The following FLNB variants were observed in gnomAD, a reference collection of about 807,000 sequenced individuals.
FLNB encodes the protein filamin-B.
FLNB carries 111 observed loss-of-function variants against 250.6 expected under a neutral mutation model. That is an observed-to-expected ratio of 0.44 (90% CI 0.38 to 0.52). The LOEUF (loss-of-function observed/expected upper bound fraction) is 0.52. Among genes scored for constraint, FLNB ranks in the 20% least tolerant of loss-of-function variants. The probability of loss-of-function intolerance (pLI) is 0.00; values close to 1 mark genes in which losing one functional copy is unlikely to be tolerated. For missense variants in FLNB, 2,869 were observed against 3,447.8 expected, an observed-to-expected ratio of 0.83 and a Z score of 4.20; for synonymous variants, 1,302 against 1,372.1, an observed-to-expected ratio of 0.95 and a Z score of 1.13.
chr3:58,017,936 C>T (rs2097108087), intron 1 of FLNB, among the ~76,000 whole-genome samples: 1 of 152,144 alleles, frequency 6.6e-6, no homozygotes, highest in South Asian at 2.1e-4. Context: ...TTATCAAAAT[C>T]TGGCTTTTCT....
In FLNB at chr3:58,088,015, A is replaced by T. The variant is rs115094540; in HGVS notation, c.787+6239A>T. Among the ~76,000 whole-genome samples, 806 of 146,084 alleles carry T rather than the reference A, an allele frequency of 5.5e-3. 10 individuals are homozygous for T. Among genetic ancestry groups the T allele is most frequent in the African/African-American group, 0.019 (757 of 39,546 alleles). ...TTGGCCTCGAAAGTGCTGAGATTAC[A>T]GGTGTGAACCACGGCGCCCAGCCTT... On this transcript the variant is annotated intron_variant, in intron 4 of 45. Transcript: ENST00000295956.
intron 12 of FLNB, among the ~76,000 whole-genome samples, chr3:58,108,010 G>C (rs555180808): frequency 6.6e-6 from 1 of 152,314 alleles, no homozygotes; most frequent in Admixed American, 6.5e-5. Flanking sequence ...GTTTGGGCAT[G>C]GTTTTAGAAC....
At chr3:58,168,715 G>C (rs2097375312) in intron 44 of FLNB, 57 bp downstream of exon 44, 1 of 1,273,538 alleles carries the variant, frequency 7.9e-7, no homozygotes, top group Non-Finnish European at 1.1e-6. Flanking sequence ...GGTTGTGTCA[G>C]ATCAATCATA....
At position 58,008,557 on chromosome 3, in the gene FLNB, C is replaced by T; in HGVS notation, c.-8C>T. ...CTCGTTGCGCATTGCGCTCTCCCCG[C>T]CACCAGGATGCCGGTAACCGAGAAG... On this transcript the variant is annotated 5_prime_UTR_variant, in exon 1 of 46. Coordinates refer to ENST00000295956, the MANE Select transcript of FLNB (RefSeq NM_001457.4). 1 of 1,581,716 alleles carries T rather than the reference C, an allele frequency of 6.3e-7. No homozygotes were observed. The highest frequency in any genetic ancestry group is 8.6e-7 in the Non-Finnish European group (1 of 1,164,906).
chr3:58,040,695 A>T (rs910927704), intron 1 of FLNB, among the ~76,000 whole-genome samples: 10 of 152,106 alleles, frequency 6.6e-5, no homozygotes, highest in Non-Finnish European at 1.5e-4. Context: ...GGGTTTCACC[A>T]CGTTGGCCAG....
Position 58,128,207 on chromosome 3 carries a change from T to C in FLNB, c.4222+1445T>C, listed in dbSNP as rs373256874. 7.6e-4 allele frequency among the ~76,000 whole-genome samples: 115 copies of C among 152,272 alleles called. 2 individuals are homozygous for C. In the South Asian group the frequency reaches 0.023, roughly 31 times the overall value. On this transcript the variant is annotated intron_variant, in intron 24 of 45. Transcript: ENST00000295956. The stretch of plus-strand genomic sequence containing the variant: ...TGGAGTGTCCACTGACCACACGCTT[T>C]CCTGATTCCATTCCTGCTTCCCCCT...
chr3:58,074,164 C>A (rs1322977561), intron 1 of FLNB, among the ~76,000 whole-genome samples: 2 of 152,194 alleles, frequency 1.3e-5, no homozygotes, highest in African/African-American at 4.8e-5. Context: ...ACTCTTATGA[C>A]CCAGACCAAG....
chr3:58,078,938 A>G, intron 3 of FLNB, 124 bp downstream of exon 3: 1 of 698,642 alleles, frequency 1.4e-6, no homozygotes, highest in East Asian at 2.7e-5. Flanking sequence ...ATTGCCTGTG[A>G]TGCTCTCTCA....
Position 58,169,191 on chromosome 3 carries a change from T to C in FLNB, c.7418-399T>C, listed in dbSNP as rs1269052365. ...TTAGAAAATTCAGATAGAAAAATCA[T>C]CCTTTCTCATCCACAGAATCATTTT... On this transcript the variant is annotated intron_variant, in intron 44 of 45. Coordinates refer to ENST00000295956, the MANE Select transcript of FLNB (RefSeq NM_001457.4). The surrounding 1 kb of genome is among the most constrained non-coding windows in gnomAD (Gnocchi z 4.8). 3.6e-6 allele frequency: 1 copy of C among 275,376 alleles called. No homozygotes were observed. The highest frequency in any genetic ancestry group is 2.2e-5 in the African/African-American group (1 of 45,542). The allele number at this position is 275,376 out of a possible 1,614,324, so 17.1% of individuals were successfully genotyped here. A position where few individuals can be genotyped will look rare whatever the true frequency, so the allele number is the denominator to read the frequency against.
intron 1 of FLNB, among the ~76,000 whole-genome samples, chr3:58,018,954 C>T (rs2097109808): frequency 9.3e-6 from 1 of 107,504 alleles, no homozygotes; most frequent in African/African-American, 4.0e-5. Context: ...GGTGAGATCA[C>T]ATCTCTACAA....
intron 2 of FLNB, chr3:58,078,483 T>G (rs1345833605): frequency 6.5e-7 from 1 of 1,536,238 alleles, no homozygotes; most frequent in South Asian, 1.2e-5. Context: ...AATCCCCATC[T>G]TCATGCAAGA....
chr3:58,152,746 G>A (rs1322612152), intron 38 of FLNB: 5 of 1,339,776 alleles, frequency 3.7e-6, no homozygotes, highest in African/African-American at 1.5e-5. Flanking sequence ...GATCCTGTGG[G>A]GCTGGAGGGT....
At chr3:58,149,823 G>GCC in intron 36 of FLNB, 27 bp from the exon 37 acceptor site, 2 of 1,614,150 alleles carry the variant, frequency 1.2e-6, no homozygotes, top group Non-Finnish European at 1.7e-6. Flanking sequence ...GCTGCTGTCA[G>GCC]AACAGCCTGG....
At chr3:58,070,660 CTTTTTTT>C (rs1202591087) in intron 1 of FLNB, among the ~76,000 whole-genome samples, 7 of 89,688 alleles carry the variant, frequency 7.8e-5, no homozygotes, top group African/African-American at 2.0e-4. Context: ...CTCTCTCTCT[CTTTTTTT>C]TTTTTTTTTT....
At chr3:58,027,958 T>A (rs543842997) in intron 1 of FLNB, among the ~76,000 whole-genome samples, 1 of 152,322 alleles carries the variant, frequency 6.6e-6, no homozygotes. Flanking sequence ...TACTCTCTTT[T>A]GGTTAAAAAG....
At chr3:58,126,817 G>C in intron 24 of FLNB, 55 bp downstream of exon 24, 2 of 1,558,234 alleles carry the variant, frequency 1.3e-6, no homozygotes, top group Non-Finnish European at 1.8e-6. Flanking sequence ...CAGGAAAATG[G>C]GTTTGATTTT....
intron 1 of FLNB, among the ~76,000 whole-genome samples, chr3:58,041,085 G>C (rs1482926599): frequency 1.3e-5 from 2 of 152,098 alleles, no homozygotes; most frequent in African/African-American, 4.8e-5. Context: ...TGCAGCTGAG[G>C]AAACTGAGGC....
At chr3:58,098,626 C>A in intron 7 of FLNB, 85 bp from the exon 8 acceptor site, 1 of 1,309,384 alleles carries the variant, frequency 7.6e-7, no homozygotes, top group Non-Finnish European at 1.1e-6. Context: ...AGCCACCACA[C>A]TGGTCCTGTT....
chr3:58,154,142 C>T (rs2097349680), intron 39 of FLNB, among the ~76,000 whole-genome samples: 1 of 152,230 alleles, frequency 6.6e-6, no homozygotes, highest in South Asian at 2.1e-4. Context: ...TGGGGTCCCA[C>T]TATCTTGCTC....
Sources: allele counts gnomAD v4.1 joint callset (sites outside exome capture counted in the v4.1 genomes callset), GRCh38; gene constraint gnomAD v4.1.1; non-coding constraint Gnocchi (gnomAD v3.1); transcripts MANE v1.5; gene names NCBI Gene and HGNC (gene_info 2026-07-23, HGNC 2026-07-21).